Variants in IPO11 observed in about 807,000 individuals in gnomAD.
IPO11 encodes the protein importin-11.
IPO11 carries 66 observed loss-of-function variants against 143.2 expected under a neutral mutation model. That is an observed-to-expected ratio of 0.46 (90% CI 0.38 to 0.57). The LOEUF (loss-of-function observed/expected upper bound fraction) is 0.57, where lower values mean the gene tolerates loss of function less well. IPO11 is among the 20% of genes least tolerant of loss of function. IPO11 has a pLI of 0.00. For synonymous variants in IPO11, 385 were observed against 377.8 expected (o/e 1.02, Z -0.22); for missense variants, 1,026 against 1,141.0 (o/e 0.90, Z 1.45).
chr5:62,487,694 G>C, intron 12 of IPO11, 77 bp from the exon 13 acceptor site: 4 of 1,267,306 alleles, frequency 3.2e-6, no homozygotes, highest in Non-Finnish European at 4.1e-6. Context: ...TTAAGATTAA[G>C]TATTTGCTTT....
In IPO11 at chr5:62,610,586, C is replaced by A. The variant is rs75912412; in HGVS notation, c.2763+8738C>A. ...TGTGTGCAAATCCTCACACTCCATT[C>A]TTTTAAGACTTAACAAAATTAACAA... On this transcript the variant is annotated intron_variant, in intron 29 of 29. Coordinates refer to ENST00000325324, the MANE Select transcript of IPO11 (RefSeq NM_016338.5). Among the ~76,000 whole-genome samples, 195 of 152,304 alleles carry A rather than the reference C, an allele frequency of 1.3e-3. 4 individuals carry two copies. The East Asian group carries it at 0.034, about 27-fold the overall frequency.
intron 16 of IPO11, among the ~76,000 whole-genome samples, chr5:62,498,869 TAAAAGAA>T (rs1336292103): frequency 6.6e-6 from 1 of 152,162 alleles, no homozygotes; most frequent in Non-Finnish European, 1.5e-5. Context: ...GATTTCATCT[TAAAAGAA>T]AAAAGAAATT....
At chr5:62,491,228 GA>G in intron 15 of IPO11, among the ~76,000 whole-genome samples, 1 of 152,314 alleles carries the variant, frequency 6.6e-6, no homozygotes, top group South Asian at 2.1e-4. Context: ...TGTAGAGCTG[GA>G]GATACTCTAA....
intron 27 of IPO11, among the ~76,000 whole-genome samples, chr5:62,570,696 A>G (rs897867181): frequency 2.0e-5 from 3 of 152,232 alleles, no homozygotes; most frequent in Non-Finnish European, 4.4e-5. Flanking sequence ...TACGTTCTCA[A>G]TGCTTTCCTC....
chr5:62,610,254 C>A (rs954833582), intron 29 of IPO11, among the ~76,000 whole-genome samples: 1 of 152,106 alleles, frequency 6.6e-6, no homozygotes, highest in East Asian at 1.9e-4. Flanking sequence ...CTGATTATTT[C>A]TTTTTTCCTT....
At chr5:62,463,588 T>C (rs1745454596) in intron 5 of IPO11, among the ~76,000 whole-genome samples, 1 of 151,814 alleles carries the variant, frequency 6.6e-6, no homozygotes, top group Non-Finnish European at 1.5e-5. Flanking sequence ...AGGGGATTGC[T>C]TGAGCCCAGG....
chr5:62,478,279 C>T (rs903254536), intron 9 of IPO11, among the ~76,000 whole-genome samples: 1 of 152,120 alleles, frequency 6.6e-6, no homozygotes, highest in Non-Finnish European at 1.5e-5. Context: ...GATCCTTCCA[C>T]CTCAGCCTCC....
At chr5:62,528,026 G>T (rs1253038879) in intron 21 of IPO11, among the ~76,000 whole-genome samples, 1 of 152,162 alleles carries the variant, frequency 6.6e-6, no homozygotes, top group African/African-American at 2.4e-5. Context: ...TGCTGAAGTG[G>T]TTGGCACTTT....
At chr5:62,418,936 T>C in intron 1 of IPO11, 3 of 1,494,904 alleles carry the variant, frequency 2.0e-6, no homozygotes, top group Middle Eastern at 1.7e-4. Flanking sequence ...CACGAGTTGC[T>C]TAAGGCTGGG....
chr5:62,432,806 A>G (rs1561307663), intron 1 of IPO11, among the ~76,000 whole-genome samples: 1 of 152,184 alleles, frequency 6.6e-6, no homozygotes, highest in Non-Finnish European at 1.5e-5. Context: ...TTGATGTTTC[A>G]GAGGCGAGGC....
chr5:62,522,755 A>G (rs78360305), intron 20 of IPO11, among the ~76,000 whole-genome samples: 52 of 152,272 alleles, frequency 3.4e-4, no homozygotes, highest in South Asian at 8.3e-4. Flanking sequence ...ATTACCTGGT[A>G]TCTCCCTGTC....
At chr5:62,440,963 CA>C (rs991999963) in intron 2 of IPO11, among the ~76,000 whole-genome samples, 14 of 142,938 alleles carry the variant, frequency 9.8e-5, no homozygotes, top group Admixed American at 1.4e-4. Context: ...GACTCCATCT[CA>C]AAAAAAAAAA....
chr5:62,555,472 C>T (rs1290899845), intron 26 of IPO11, among the ~76,000 whole-genome samples: 2 of 136,214 alleles, frequency 1.5e-5, no homozygotes, highest in African/African-American at 5.9e-5. Flanking sequence ...GCCACCACAC[C>T]TGGCTAATTA....
intron 26 of IPO11, among the ~76,000 whole-genome samples, chr5:62,555,672 T>G (rs1232660859): frequency 6.6e-6 from 1 of 151,902 alleles, no homozygotes; most frequent in Non-Finnish European, 1.5e-5. Context: ...CTCTGCTAAT[T>G]TGTTGTATTT....
At chr5:62,441,116 T>G (rs1050614254) in intron 2 of IPO11, among the ~76,000 whole-genome samples, 1 of 152,200 alleles carries the variant, frequency 6.6e-6, no homozygotes, top group Non-Finnish European at 1.5e-5. Flanking sequence ...TAGTCATTAT[T>G]ATTATTTGGA....
chr5:62,525,367 TTTGTGTG>T (rs1561348625), intron 20 of IPO11, among the ~76,000 whole-genome samples: 3 of 148,192 alleles, frequency 2.0e-5, no homozygotes, highest in Non-Finnish European at 1.5e-5. Flanking sequence ...TTTTTTTTTT[TTTGTGTG>T]TGTGTGTGTG....
At chr5:62,503,384 TAG>T (rs1437341699) in intron 16 of IPO11, among the ~76,000 whole-genome samples, 9 of 145,772 alleles carry the variant, frequency 6.2e-5, no homozygotes, top group African/African-American at 2.2e-4. Context: ...AATATATTAA[TAG>T]TATCTATTAA....
At position 62,562,384 on chromosome 5, in the gene IPO11, T is replaced by C. The variant is rs536939064; in HGVS notation, c.2582+1127T>C. Among the ~76,000 whole-genome samples the C allele has an allele frequency of 3.3e-5, 5 of 152,200 alleles. No homozygotes were observed. In the East Asian group the frequency reaches 9.6e-4, roughly 29 times the overall value. ...GGGACCTGTTTTGTGGAAGAAAATT[T>C]TTCCATGAACTGGGGGAGGGGAAGG... On this transcript the variant is annotated intron_variant, in intron 27 of 29. Transcript: ENST00000325324.
chr5:62,592,806 C>A (rs1745074874), intron 28 of IPO11, among the ~76,000 whole-genome samples: 2 of 152,160 alleles, frequency 1.3e-5, no homozygotes, highest in African/African-American at 4.8e-5. Flanking sequence ...AGCTCACTCA[C>A]AAGCACGAGA....
Sources: allele counts gnomAD v4.1 joint callset (sites outside exome capture counted in the v4.1 genomes callset), GRCh38; gene constraint gnomAD v4.1.1; transcripts MANE v1.5; gene names NCBI Gene and HGNC (gene_info 2026-07-23, HGNC 2026-07-21).